Variants in NALCN observed in about 807,000 individuals in gnomAD.
NALCN encodes the protein sodium leak channel NALCN.
NALCN carries 111 observed loss-of-function variants against 225.3 expected under a neutral mutation model. The observed-to-expected ratio is 0.49, with a 90% CI of 0.42 to 0.58. The LOEUF (loss-of-function observed/expected upper bound fraction) is 0.58, where lower values mean the gene tolerates loss of function less well. Ranked by LOEUF, NALCN falls within the 20% of genes least tolerant of loss-of-function variation. The pLI, the probability that NALCN is intolerant of heterozygous loss-of-function variation, is 0.00. For missense variants in NALCN, 1,378 were observed against 2,202.4 expected (o/e 0.63, Z 7.49); for synonymous variants, 764 against 769.0 (o/e 0.99, Z 0.11).
chr13:101,224,268 T>G (rs1466988921), intron 13 of NALCN, among the ~76,000 whole-genome samples: 2 of 152,148 alleles, frequency 1.3e-5, no homozygotes, highest in Non-Finnish European at 2.9e-5. Flanking sequence ...CTTTCACTGC[T>G]TCCTAACCAA....
At chr13:101,191,650 T>C (rs956382931) in intron 14 of NALCN, among the ~76,000 whole-genome samples, 2 of 152,180 alleles carry the variant, frequency 1.3e-5, no homozygotes, top group African/African-American at 4.8e-5. Context: ...CTTAAATTGG[T>C]ATGTAAATGT....
At chr13:101,336,010 A>G (rs1025200129) in intron 7 of NALCN, among the ~76,000 whole-genome samples, 1 of 152,102 alleles carries the variant, frequency 6.6e-6, no homozygotes, top group African/African-American at 2.4e-5. Context: ...ATCATATTTT[A>G]TGTCCATATT....
intron 18 of NALCN, among the ~76,000 whole-genome samples, chr13:101,121,184 G>T (rs1006103713): frequency 6.6e-6 from 1 of 151,984 alleles, no homozygotes; most frequent in East Asian, 1.9e-4. Flanking sequence ...ACCAAGTCCA[G>T]TATCCTACAT....
At chr13:101,095,488 T>C in intron 28 of NALCN, 86 bp downstream of exon 28, 1 of 1,055,766 alleles carries the variant, frequency 9.5e-7, no homozygotes, top group Non-Finnish European at 1.4e-6. Context: ...AAAACTACTT[T>C]TAGTTACATG....
chr13:101,358,499 C>T lies in NALCN; in HGVS notation c.645-13079G>A, dbSNP rs541666401. ...GCAAACCAAAACCACAATGCAGTAC[C>T]ATTTCACACCAGTCAGAACGGCGAT... is the stretch of plus-strand genomic sequence containing the variant. On this transcript the variant is annotated intron_variant, in intron 6 of 43. Coordinates refer to ENST00000251127, the MANE Select transcript of NALCN (RefSeq NM_052867.4). Among the ~76,000 whole-genome samples the T allele has an allele frequency of 1.2e-4, 19 of 152,254 alleles. No individual in the cohort carries two copies. The South Asian group carries it at 3.7e-3, about 30-fold the overall frequency.
intron 7 of NALCN, among the ~76,000 whole-genome samples, chr13:101,330,065 C>T (rs973057645): frequency 3.3e-5 from 5 of 149,406 alleles, no homozygotes; most frequent in African/African-American, 4.9e-5. Context: ...TATATATATA[C>T]ATATATATAA....
intron 1 of NALCN, 57 bp from the exon 2 acceptor site, chr13:101,399,222 T>C: frequency 1.5e-6 from 2 of 1,322,958 alleles, no homozygotes; most frequent in South Asian, 1.3e-5. Context: ...CATCAAAAAA[T>C]TGAGTTCCCC....
chr13:101,165,230 GGTCT>G (rs1385855477), intron 15 of NALCN, among the ~76,000 whole-genome samples: 2 of 152,134 alleles, frequency 1.3e-5, no homozygotes, highest in Non-Finnish European at 2.9e-5. Context: ...GCAACCAGGT[GGTCT>G]ATCTGGAAAC....
intron 14 of NALCN, among the ~76,000 whole-genome samples, chr13:101,176,964 G>T (rs569006708): frequency 6.6e-6 from 1 of 152,292 alleles, no homozygotes; most frequent in South Asian, 2.1e-4. Flanking sequence ...AGAAATAATT[G>T]TGTGTGACTT....
At chr13:101,107,148 T>C (rs899300377) in intron 22 of NALCN, among the ~76,000 whole-genome samples, 2 of 152,270 alleles carry the variant, frequency 1.3e-5, no homozygotes, top group Admixed American at 6.5e-5. Flanking sequence ...ATGACCTTCC[T>C]TTCACCATGT....
At chr13:101,254,064 GAA>G (rs1235439564) in intron 11 of NALCN, among the ~76,000 whole-genome samples, 10 of 152,038 alleles carry the variant, frequency 6.6e-5, no homozygotes, top group Non-Finnish European at 1.2e-4. Flanking sequence ...CATACTTGGG[GAA>G]AGTCAAACAC....
chr13:101,176,435 T>C (rs1333206642), intron 14 of NALCN, 61 bp from the exon 15 acceptor site: 65 of 1,199,936 alleles, frequency 5.4e-5, no homozygotes, highest in Middle Eastern at 2.0e-4. Flanking sequence ...AAATATTATA[T>C]GTATAATATA....
intron 3 of NALCN, among the ~76,000 whole-genome samples, chr13:101,392,415 AT>A (rs1256975089): frequency 2.6e-5 from 4 of 152,220 alleles, no homozygotes; most frequent in Non-Finnish European, 4.4e-5. Context: ...AAAAATAATA[AT>A]TTGACAAATT....
At chr13:101,060,277 T>C (rs1351398197) in intron 41 of NALCN, among the ~76,000 whole-genome samples, 1 of 129,468 alleles carries the variant, frequency 7.7e-6, no homozygotes, top group Non-Finnish European at 1.6e-5. Flanking sequence ...TGTTTTCTGT[T>C]TTTTTTTTTT....
At chr13:101,316,754 C>A (rs1402012035) in intron 7 of NALCN, among the ~76,000 whole-genome samples, 1 of 152,070 alleles carries the variant, frequency 6.6e-6, no homozygotes, top group African/African-American at 2.4e-5. Flanking sequence ...CCTTGCTTTT[C>A]AAATGTTCCA....
chr13:101,092,818 C>G (rs2034306980), intron 28 of NALCN, among the ~76,000 whole-genome samples: 1 of 152,168 alleles, frequency 6.6e-6, no homozygotes, highest in Non-Finnish European at 1.5e-5. Flanking sequence ...GAACATATCA[C>G]AGTGTAGCTT....
intron 7 of NALCN, among the ~76,000 whole-genome samples, chr13:101,344,161 A>G (rs1265495359): frequency 1.3e-5 from 2 of 152,204 alleles, no homozygotes; most frequent in Non-Finnish European, 1.5e-5. Context: ...AGTTATTGGT[A>G]TAATTCATGA....
chr13:101,094,565 C>T (rs530425835), intron 28 of NALCN, among the ~76,000 whole-genome samples: 87 of 151,996 alleles, frequency 5.7e-4, no homozygotes, highest in East Asian at 1.5e-3. Context: ...GGAAATTGGA[C>T]GGCTTTTCTA....
intron 37 of NALCN, among the ~76,000 whole-genome samples, chr13:101,070,148 G>A (rs1468317188): frequency 1.5e-5 from 2 of 135,964 alleles, no homozygotes; most frequent in East Asian, 2.4e-4. Flanking sequence ...CTCACTGCAA[G>A]CTCCGCCTCC....
Sources: allele counts gnomAD v4.1 joint callset (sites outside exome capture counted in the v4.1 genomes callset), GRCh38; gene constraint gnomAD v4.1.1; transcripts MANE v1.5; gene names NCBI Gene and HGNC (gene_info 2026-07-23, HGNC 2026-07-21).